NBEA: variants seen among roughly 807,000 people sequenced by gnomAD.
The protein encoded by NBEA is lysosomal-trafficking regulator 2.
Under a neutral mutation model 343.4 loss-of-function variants are expected in NBEA, and 44 were observed. That is an observed-to-expected ratio of 0.13 (90% CI 0.10 to 0.16). The LOEUF is 0.16. Ranked by LOEUF, NBEA falls within the 10% of genes least tolerant of loss-of-function variation. NBEA has a pLI of 1.00. For synonymous variants in NBEA, 1,175 were observed against 1,238.7 expected (o/e 0.95, Z 1.08); for missense variants, 2,555 against 3,631.3 (o/e 0.70, Z 7.62).
At chr13:35,119,050 A>G (rs2066653793) in intron 16 of NBEA, among the ~76,000 whole-genome samples, 1 of 152,186 alleles carries the variant, frequency 6.6e-6, no homozygotes, top group African/African-American at 2.4e-5. Flanking sequence ...GACTTGAGAC[A>G]GTGGCAGTGC....
At chr13:35,560,239 C>T (rs1047677199) in intron 44 of NBEA, among the ~76,000 whole-genome samples, 2 of 152,154 alleles carry the variant, frequency 1.3e-5, no homozygotes, top group Admixed American at 6.5e-5. Flanking sequence ...GTTACTACAG[C>T]GTACTGTTCC....
intron 1 of NBEA, among the ~76,000 whole-genome samples, chr13:34,987,389 G>T (rs1035854177): frequency 4.0e-5 from 6 of 150,948 alleles, no homozygotes; most frequent in African/African-American, 1.2e-4. Flanking sequence ...GCTTCCCTTT[G>T]TGGGTAACCC....
chr13:35,235,132 T>TA (rs1179487464), intron 34 of NBEA, among the ~76,000 whole-genome samples: 1 of 152,196 alleles, frequency 6.6e-6, no homozygotes, highest in Non-Finnish European at 1.5e-5. Context: ...GCATCATAGT[T>TA]ACGGATTCTA....
At chr13:35,024,329 A>C (rs986836856) in intron 1 of NBEA, among the ~76,000 whole-genome samples, 1 of 152,122 alleles carries the variant, frequency 6.6e-6, no homozygotes, top group Admixed American at 6.5e-5. Context: ...TTGGTAAAAC[A>C]ATTTTTATTC....
intron 1 of NBEA, among the ~76,000 whole-genome samples, chr13:34,998,788 G>A (rs372506881): frequency 7.0e-4 from 107 of 151,922 alleles, no homozygotes; most frequent in Non-Finnish European, 2.2e-4. Context: ...TGCAGTTAAC[G>A]CAATCATCAC....
At chr13:35,501,810 C>T (rs1042540027) in intron 41 of NBEA, among the ~76,000 whole-genome samples, 2 of 152,086 alleles carry the variant, frequency 1.3e-5, no homozygotes, top group African/African-American at 4.8e-5. Flanking sequence ...ACTCCTCCTG[C>T]AACTGCAAAG....
chr13:35,548,442 A>T (rs2079162808), intron 41 of NBEA, among the ~76,000 whole-genome samples: 1 of 152,176 alleles, frequency 6.6e-6, no homozygotes. Flanking sequence ...CTGTGTGTGT[A>T]TACACATGTG....
intron 48 of NBEA, among the ~76,000 whole-genome samples, chr13:35,622,784 A>G (rs971710039): frequency 6.6e-6 from 1 of 152,202 alleles, no homozygotes; most frequent in African/African-American, 2.4e-5. Flanking sequence ...GCTCTGATCT[A>G]GAAGAAGACA....
intron 1 of NBEA, among the ~76,000 whole-genome samples, chr13:35,010,975 G>A (rs924972645): frequency 2.0e-5 from 3 of 151,170 alleles, no homozygotes; most frequent in African/African-American, 7.3e-5. Context: ...TTTTAAGTTG[G>A]GATAGATTTT....
intron 38 of NBEA, among the ~76,000 whole-genome samples, chr13:35,408,127 T>C (rs2152914012): frequency 6.6e-6 from 1 of 152,234 alleles, no homozygotes; most frequent in South Asian, 2.1e-4. Context: ...AGGGCTACAG[T>C]AACCAAAACA....
intron 55 of NBEA, among the ~76,000 whole-genome samples, chr13:35,664,329 T>C (rs1210057725): frequency 6.6e-6 from 1 of 151,810 alleles, no homozygotes; most frequent in Non-Finnish European, 1.5e-5. Flanking sequence ...AGAGACAAGA[T>C]AGGGGATCGG....
intron 55 of NBEA, among the ~76,000 whole-genome samples, chr13:35,662,142 T>C (rs553561246): frequency 9.2e-5 from 14 of 152,372 alleles, no homozygotes; most frequent in Admixed American, 2.6e-4. Flanking sequence ...TCATCCATTT[T>C]GAGAATATTG....
At chr13:35,654,738 C>T in intron 53 of NBEA, 117 bp from the exon 54 acceptor site, 1 of 738,806 alleles carries the variant, frequency 1.4e-6, no homozygotes, top group Non-Finnish European at 2.1e-6. Context: ...AATCTCATAC[C>T]ATTAAAAAAA....
chr13:35,314,853 G>A (rs1229550796), intron 36 of NBEA, among the ~76,000 whole-genome samples: 1 of 152,072 alleles, frequency 6.6e-6, no homozygotes, highest in Non-Finnish European at 1.5e-5. Flanking sequence ...CCCACCTTTA[G>A]TTTGGATCAT....
At chr13:35,202,798 G>A (rs1005831108) in intron 31 of NBEA, among the ~76,000 whole-genome samples, 3 of 151,980 alleles carry the variant, frequency 2.0e-5, no homozygotes, top group African/African-American at 7.3e-5. Context: ...ATTAAAAAGA[G>A]GTATAAAAAA....
chr13:35,578,031 C>G (rs1005722659), intron 45 of NBEA, among the ~76,000 whole-genome samples: 1 of 152,160 alleles, frequency 6.6e-6, no homozygotes, highest in Non-Finnish European at 1.5e-5. Flanking sequence ...AAAGCCTCTT[C>G]TAAGGATTTT....
chr13:35,319,080 G>GT (rs1401896306), intron 36 of NBEA, among the ~76,000 whole-genome samples: 2 of 151,924 alleles, frequency 1.3e-5, no homozygotes, highest in Admixed American at 6.6e-5. Flanking sequence ...TTTTTGAAGG[G>GT]TTTTTTGTGT....
At chr13:35,424,956 C>G (rs1489815972) in intron 38 of NBEA, among the ~76,000 whole-genome samples, 1 of 152,144 alleles carries the variant, frequency 6.6e-6, no homozygotes. Flanking sequence ...ATAGTATTCT[C>G]TGATGGTAGT....
intron 49 of NBEA, among the ~76,000 whole-genome samples, chr13:35,635,550 G>A (rs2083657251): frequency 6.6e-6 from 1 of 152,106 alleles, no homozygotes; most frequent in East Asian, 1.9e-4. Flanking sequence ...TTTAATTAGT[G>A]GAGTGAAAAT....
Sources: gnomAD v4.1 joint callset for allele counts (sites outside exome capture counted in the v4.1 genomes callset) on GRCh38, gnomAD v4.1.1 for gene constraint, MANE v1.5 for transcripts, NCBI Gene and HGNC (gene_info 2026-07-23, HGNC 2026-07-21) for gene names.